Variants in TTC6 observed in about 807,000 individuals in gnomAD.
The protein encoded by TTC6 is tetratricopeptide repeat protein 6.
TTC6 carries 172 observed loss-of-function variants against 210.4 expected under a neutral mutation model. That is an observed-to-expected ratio of 0.82 (90% CI 0.72 to 0.93). The LOEUF is 0.93. TTC6 is among the 40% of genes least tolerant of loss of function. The pLI is 0.00. For synonymous variants in TTC6, 804 were observed against 819.6 expected, an observed-to-expected ratio of 0.98 and a Z score of 0.32; for missense variants, 2,414 against 2,318.1, an observed-to-expected ratio of 1.04 and a Z score of -0.85.
intron 5 of TTC6, among the ~76,000 whole-genome samples, chr14:37,703,614 T>G (rs2095829711): frequency 6.6e-6 from 1 of 152,126 alleles, no homozygotes; most frequent in African/African-American, 2.4e-5. Flanking sequence ...AAGGTAGTAA[T>G]AGTTGTGGTT....
chr14:37,662,704 G>A (rs539290289), intron 1 of TTC6, among the ~76,000 whole-genome samples: 32 of 152,266 alleles, frequency 2.1e-4, no homozygotes, highest in African/African-American at 7.7e-4. Flanking sequence ...CTTTGTTGAA[G>A]ATCAGATGGT....
chr14:37,595,848 G>A (rs1006228613), exon 1 of TTC6: 17 of 151,932 alleles, frequency 1.1e-4, no homozygotes, highest in African/African-American at 4.1e-4. Context: ...CTTTCCTCCT[G>A]AGAGCTTCAG....
intron 2 of TTC6, among the ~76,000 whole-genome samples, chr14:37,612,840 G>A (rs73264945): frequency 1.3e-5 from 2 of 152,198 alleles, no homozygotes; most frequent in African/African-American, 4.8e-5. Context: ...ACTGTGTATT[G>A]TGCAACCTTG....
intron 3 of TTC6, among the ~76,000 whole-genome samples, chr14:37,695,305 A>G (rs545738751): frequency 6.6e-6 from 1 of 152,226 alleles, no homozygotes; most frequent in African/African-American, 2.4e-5. Flanking sequence ...ATTAATGAAT[A>G]AGGCAAAATA....
At chr14:37,758,009 C>T (rs2095973120) in intron 14 of TTC6, among the ~76,000 whole-genome samples, 1 of 152,060 alleles carries the variant, frequency 6.6e-6, no homozygotes, top group Admixed American at 6.6e-5. Flanking sequence ...TTTCTTAATC[C>T]TGAGTTCTAA....
chr14:37,618,443 C>G (rs1156921784), upstream of TTC6, among the ~76,000 whole-genome samples: 1 of 152,196 alleles, frequency 6.6e-6, no homozygotes, highest in Admixed American at 6.5e-5. Flanking sequence ...GGTTTGTGAG[C>G]TGCCTATTTG....
intron 27 of TTC6, among the ~76,000 whole-genome samples, chr14:37,824,923 T>C (rs1048372626): frequency 7.9e-5 from 12 of 152,252 alleles, no homozygotes; most frequent in African/African-American, 2.4e-4. Flanking sequence ...AAAGGCCTTA[T>C]GGTCCAGTTA....
chr14:37,779,553 G>A (rs984351767), intron 14 of TTC6, among the ~76,000 whole-genome samples: 2 of 152,068 alleles, frequency 1.3e-5, no homozygotes, highest in Non-Finnish European at 2.9e-5. Flanking sequence ...TTAAAAAATT[G>A]ATTAAGTGTT....
exon 14 of TTC6, chr14:37,753,208 A>C: frequency 6.5e-7 from 1 of 1,533,518 alleles, no homozygotes; most frequent in Non-Finnish European, 8.7e-7. Flanking sequence ...GCCTTGTTAA[A>C]TATAGATCAC....
chr14:37,792,773 ATGTTGTGTG>A (rs1343289235), intron 17 of TTC6, among the ~76,000 whole-genome samples: 8 of 133,990 alleles, frequency 6.0e-5, no homozygotes, highest in African/African-American at 1.8e-4. Context: ...CTATGGTCCA[ATGTTGTGTG>A]TGTGTGTGTG....
chr14:37,705,057 A>G (rs2095832709), intron 5 of TTC6, among the ~76,000 whole-genome samples: 1 of 152,084 alleles, frequency 6.6e-6, no homozygotes, highest in Non-Finnish European at 1.5e-5. Context: ...TTGATTCACA[A>G]TCAATACAGA....
At chr14:37,803,564 T>A (rs7153952) in intron 20 of TTC6, among the ~76,000 whole-genome samples, 3,367 of 151,188 alleles carry the variant, frequency 0.022, 121 homozygotes, top group African/African-American at 0.076. Flanking sequence ...AGTAGACAAG[T>A]TTTAATGGGC....
chr14:37,774,258 T>TC (rs1272094444), intron 14 of TTC6, among the ~76,000 whole-genome samples: 1 of 152,174 alleles, frequency 6.6e-6, no homozygotes, highest in Non-Finnish European at 1.5e-5. Context: ...ACTTTTTTTT[T>TC]CTTGCCTGAT....
intron 5 of TTC6, among the ~76,000 whole-genome samples, chr14:37,714,186 T>G (rs1033343671): frequency 6.6e-6 from 1 of 152,158 alleles, no homozygotes; most frequent in Non-Finnish European, 1.5e-5. Flanking sequence ...GCTTGTAGCC[T>G]AGAAGAAAGA....
intron 22 of TTC6, among the ~76,000 whole-genome samples, chr14:37,806,843 C>T (rs1264925678): frequency 6.6e-6 from 1 of 152,072 alleles, no homozygotes; most frequent in African/African-American, 2.4e-5. Flanking sequence ...ATAGACTATA[C>T]AGGCAACACA....
At chr14:37,842,240 G>A (rs781642414) in exon 31 of TTC6, 2 of 1,609,266 alleles carry the variant, frequency 1.2e-6, no homozygotes, top group Admixed American at 1.7e-5. Context: ...AGGAAGCTAT[G>A]GCTGACTATA....
chr14:37,823,557 G>A (rs535821705), intron 26 of TTC6, among the ~76,000 whole-genome samples, 190 bp from the exon 29 acceptor site: 2 of 152,088 alleles, frequency 1.3e-5, no homozygotes, highest in South Asian at 2.1e-4. Context: ...CAAAATCTTC[G>A]AAGGACCTGT....
At chr14:37,792,293 G>T in exon 17 of TTC6, 1 of 1,525,276 alleles carries the variant, frequency 6.6e-7, no homozygotes, top group Non-Finnish European at 8.7e-7. Flanking sequence ...GTAAATATTG[G>T]CCTCATACAT....
intron 2 of TTC6, among the ~76,000 whole-genome samples, chr14:37,612,050 AC>A (rs1407215618): frequency 6.6e-6 from 1 of 152,198 alleles, no homozygotes; most frequent in African/African-American, 2.4e-5. Flanking sequence ...CATATCTACA[AC>A]TTTATAGAGG....
Sources: gnomAD v4.1 joint callset for allele counts (sites outside exome capture counted in the v4.1 genomes callset) on GRCh38, gnomAD v4.1.1 for gene constraint, MANE v1.5 for transcripts, NCBI Gene and HGNC (gene_info 2026-07-23, HGNC 2026-07-21) for gene names.